The following CACNB3 variants were observed in gnomAD, a reference collection of about 807,000 sequenced individuals.
CACNB3 encodes the protein calcium voltage-gated channel auxiliary subunit beta 3.
CACNB3 carries 36 observed loss-of-function variants against 63.7 expected under a neutral mutation model. The ratio of observed to expected loss-of-function variants is 0.57; its 90% CI spans 0.43 to 0.75. CACNB3 has a LOEUF of 0.75. CACNB3 is among the 30% of genes least tolerant of loss of function. The pLI is 0.00. For missense variants in CACNB3, 493 were observed against 648.6 expected (o/e 0.76, Z 2.61); for synonymous variants, 241 against 250.6 (o/e 0.96, Z 0.36).
chr12:48,827,974 A>C lies in CACNB3; in HGVS notation c.*75A>C. 7.7e-7 allele frequency: 1 copy of C among 1,292,104 alleles called. No homozygotes were observed. Among genetic ancestry groups the C allele is most frequent in the Admixed American group, 2.0e-5 (1 of 50,532 alleles). The allele number at this position is 1,292,104 out of a possible 1,614,324, so 80.0% of individuals were successfully genotyped here. ...GGCCCACTCCAGGCAGGGTGGCGTT[A>C]GACTGGCATCAGGCTGGCACTAGGC... On this transcript the variant is annotated 3_prime_UTR_variant, in exon 13 of 13. Coordinates refer to ENST00000301050, the MANE Select transcript of CACNB3 (RefSeq NM_000725.4).
At chr12:48,820,863 G>A (rs1047333272) in intron 1 of CACNB3, 1 of 152,196 alleles carries the variant, frequency 6.6e-6, no homozygotes, top group Non-Finnish European at 1.5e-5. Context: ...AGGGTGAGAG[G>A]TCAGGTAAGC....
chr12:48,820,961 A>T (rs1045102469), intron 1 of CACNB3: 7 of 152,174 alleles, frequency 4.6e-5, no homozygotes, highest in African/African-American at 1.7e-4. Flanking sequence ...GCCGAGGTAG[A>T]TCACTTGAGG....
Position 48,825,155 on chromosome 12 carries a change from T to C in CACNB3, c.493-8T>C. ...ATGGTTTCTACTGACCTCATGTCCA[T>C]TCTGCAGGCGGAACATGTTCCCCCA... On this transcript the variant is annotated splice_polypyrimidine_tract_variant and splice_region_variant and intron_variant, in intron 6 of 12. Transcript: ENST00000301050. The surrounding 1 kb of genome is among the most constrained non-coding windows in gnomAD (Gnocchi z 4.5). 1.9e-6 allele frequency: 3 copies of C among 1,613,902 alleles called. No homozygotes were observed. Among genetic ancestry groups the C allele is most frequent in the South Asian group, 1.1e-5 (1 of 91,076 alleles).
At chr12:48,816,000 G>T (rs1942280065), upstream of CACNB3, among the ~76,000 whole-genome samples, 1 of 152,140 alleles carries the variant, frequency 6.6e-6, no homozygotes, top group African/African-American at 2.4e-5. Context: ...TTACAAGAAG[G>T]GCTCTGCCAA....
Position 48,826,612 on chromosome 12 carries a change from C to T in CACNB3, c.894+94C>T. 6.6e-7 allele frequency: 1 copy of T among 1,523,582 alleles called. No homozygotes were observed. Among genetic ancestry groups the T allele is most frequent in the Non-Finnish European group, 9.1e-7 (1 of 1,102,034 alleles). The allele number at this position is 1,523,582 out of a possible 1,614,324, so 94.4% of individuals were successfully genotyped here. ...GGTCCCTGCCTGGGGCACCTGAGTT[C>T]CCTTTTCCTGCTGCCCTTAACACAA... On this transcript the variant is annotated intron_variant, in intron 10 of 12. Coordinates refer to ENST00000301050, the MANE Select transcript of CACNB3 (RefSeq NM_000725.4). This position sits in a 1 kb window ranked among gnomAD's most constrained non-coding sequence, Gnocchi z 4.8.
chr12:48,815,635 C>T, upstream of CACNB3: 2 of 1,534,718 alleles, frequency 1.3e-6, no homozygotes, highest in Admixed American at 3.9e-5. Context: ...GGTTTTGCTC[C>T]CGCCTCGGAG....
Position 48,828,400 on chromosome 12 carries a change from A to G in CACNB3, c.*501A>G, listed in dbSNP as rs1394748697. ...CTCACTGCCATACATTAGAAATGAGACAATCAAAGCCCCCCCAGGGTGGCA... is the reference window on the plus strand; with the variant it reads ...CTCACTGCCATACATTAGAAATGAGGCAATCAAAGCCCCCCCAGGGTGGCA... On this transcript the variant is annotated 3_prime_UTR_variant, in exon 13 of 13. Transcript: ENST00000301050. 1 of 329,556 alleles carries G rather than the reference A, an allele frequency of 3.0e-6. No homozygotes were observed. Among genetic ancestry groups the G allele is most frequent in the African/African-American group, 2.2e-5 (1 of 46,438 alleles). The allele number at this position is 329,556 out of a possible 1,614,324, so 20.4% of individuals were successfully genotyped here.
rs529983652 is a variant in CACNB3, at chr12:48,824,710, G to T, written c.449G>T (p.Arg150Leu). Reference sequence around the variant, plus strand: ...TCCAGCCTGAGTGACATTGGCAACCGACGCTCCCCTCCGCCATCTCTAGGT... The same window carrying T: ...TCCAGCCTGAGTGACATTGGCAACCTACGCTCCCCTCCGCCATCTCTAGGT... ...NPSSLSDIGN[R>L]RSPPPSLAKQ... Residue 150 changes from arginine (R) to leucine (L), a missense_variant, in exon 5 of 13, where the codon CGA becomes CTA. Arg to Leu is a moderately radical substitution (Grantham distance 102). Transcript: ENST00000301050. 1.2e-6 allele frequency: 2 copies of T among 1,613,482 alleles called. No individual in the cohort carries two copies. Among genetic ancestry groups the T allele is most frequent in the Non-Finnish European group, 1.7e-6 (2 of 1,179,960 alleles).
Position 48,826,185 on chromosome 12 carries a change from C to T in CACNB3, c.743-182C>T. 1.6e-6 allele frequency: 1 copy of T among 616,662 alleles called. No homozygotes were observed. Among genetic ancestry groups the T allele is most frequent in the Non-Finnish European group, 2.9e-6 (1 of 350,476 alleles). 38.2% of individuals were successfully genotyped at this position (616,662 alleles called of 1,614,324 possible). On this transcript the variant is annotated intron_variant, in intron 9 of 12. Transcript: ENST00000301050. The surrounding 1 kb of genome is among the most constrained non-coding windows in gnomAD (Gnocchi z 4.8). The stretch of plus-strand genomic sequence containing the variant: ...TCTTTCTGCCCAACTCCTCTACCTG[C>T]CCCCAGGATTGGCAAGAACACACCC...
chr12:48,819,872 G>C, intron 1 of CACNB3: 1 of 327,832 alleles, frequency 3.1e-6, no homozygotes, highest in Non-Finnish European at 6.2e-6. Context: ...GAGAGTGCCT[G>C]GAAAGATGGG....
chr12:48,825,429 C>T lies in CACNB3; in HGVS notation c.574-5C>T, dbSNP rs377238246. On this transcript the variant is annotated splice_polypyrimidine_tract_variant and splice_region_variant and intron_variant, in intron 7 of 12. Transcript: ENST00000301050. This position sits in a 1 kb window ranked among gnomAD's most constrained non-coding sequence, Gnocchi z 4.5. Reference sequence around the variant, plus strand: ...GCCCTTCATCAGTGCCATGCCTTCCCCCAGGTCACAGACATGATGCAGAAG... The same window carrying T: ...GCCCTTCATCAGTGCCATGCCTTCCTCCAGGTCACAGACATGATGCAGAAG... The T allele has an allele frequency of 1.5e-4, 245 of 1,614,152 alleles. 2 individuals carry two copies. In the African/African-American group the frequency reaches 3.1e-3, roughly 20 times the overall value.
chr12:48,821,922 C>A (rs1937870030), intron 1 of CACNB3, among the ~76,000 whole-genome samples: 1 of 152,094 alleles, frequency 6.6e-6, no homozygotes, highest in African/African-American at 2.4e-5. Flanking sequence ...GCCTAAGGCT[C>A]GAGAGCCTGG....
chr12:48,816,347 A>G (rs1282960809), upstream of CACNB3, among the ~76,000 whole-genome samples: 1 of 152,204 alleles, frequency 6.6e-6, no homozygotes, highest in Non-Finnish European at 1.5e-5. Flanking sequence ...ACTCTCTCCT[A>G]GAAAGAATCA....
In CACNB3 at chr12:48,826,440, C is replaced by T; in HGVS notation, c.816C>T (p.Asp272=). 1 of 1,614,186 alleles carries T rather than the reference C, an allele frequency of 6.2e-7. No homozygotes were observed. Among genetic ancestry groups the T allele is most frequent in the Non-Finnish European group, 8.5e-7 (1 of 1,180,012 alleles). ...KSLQLVVLDA[D]TINHPAQLAK... ...TGCAGCTAGTAGTGTTGGACGCTGACACCATCAACCACCCAGCACAGCTGG... is the reference window on the plus strand; with the variant it reads ...TGCAGCTAGTAGTGTTGGACGCTGATACCATCAACCACCCAGCACAGCTGG... The change falls in exon 10 of 13, where the codon GAC becomes GAT. Residue 272 remains aspartate, a synonymous_variant. Coordinates refer to ENST00000301050, the MANE Select transcript of CACNB3 (RefSeq NM_000725.4). This position sits in a 1 kb window ranked among gnomAD's most constrained non-coding sequence, Gnocchi z 4.8.
In CACNB3 at chr12:48,824,302, CG is replaced by C; in HGVS notation, c.340del (p.Asp114ThrfsTer31). On this transcript the variant is annotated frameshift_variant, in exon 4 of 13. Coordinates refer to ENST00000301050, the MANE Select transcript of CACNB3 (RefSeq NM_000725.4). LOFTEE classifies it high-confidence loss of function. The part of the protein sequence containing the change: ...WWIGRLVKEG[G>X]DIAFIPSPQR... ...GGATCGGGCGGCTAGTGAAAGAGGG[CG>C]GGGACATCGCCTTCATCCCCAGCCC... 1 of 1,613,164 alleles carries C rather than the reference CG, an allele frequency of 6.2e-7. No individual in the cohort carries two copies. Among genetic ancestry groups the C allele is most frequent in the Non-Finnish European group, 8.5e-7 (1 of 1,179,754 alleles).
In CACNB3 at chr12:48,823,890, G is replaced by A; in HGVS notation, c.291+87G>A. On this transcript the variant is annotated intron_variant, in intron 3 of 12. Transcript: ENST00000301050. The surrounding 1 kb of genome is among the most constrained non-coding windows in gnomAD (Gnocchi z 4.2). Reference sequence around the variant, plus strand: ...CTAATGCTTCTGACTTGAATCCTCAGTCTAATTCCCCAAGCTAATCAGCTC... The same window carrying A: ...CTAATGCTTCTGACTTGAATCCTCAATCTAATTCCCCAAGCTAATCAGCTC... 6.5e-7 allele frequency: 1 copy of A among 1,549,480 alleles called. No individual in the cohort carries two copies. The highest frequency in any genetic ancestry group is 8.8e-7 in the Non-Finnish European group (1 of 1,132,950).
Position 48,826,290 on chromosome 12 carries a change from T to G in CACNB3, c.743-77T>G. On this transcript the variant is annotated intron_variant, in intron 9 of 12. Coordinates refer to ENST00000301050, the MANE Select transcript of CACNB3 (RefSeq NM_000725.4). The surrounding 1 kb of genome is among the most constrained non-coding windows in gnomAD (Gnocchi z 4.8). Reference sequence around the variant, plus strand: ...CCTCCAATTCCTTCCTGTCCACCATTCGGGAGCCCTCAAAGCCTGCTGGAG... The same window carrying G: ...CCTCCAATTCCTTCCTGTCCACCATGCGGGAGCCCTCAAAGCCTGCTGGAG... 6.8e-7 allele frequency: 1 copy of G among 1,464,490 alleles called. No homozygotes were observed. The highest frequency in any genetic ancestry group is 1.2e-5 in the South Asian group (1 of 86,572). 90.7% of individuals were successfully genotyped at this position (1,464,490 alleles called of 1,614,324 possible).
At chr12:48,815,609 T>C (rs1942265555), upstream of CACNB3, 16 of 1,515,862 alleles carry the variant, frequency 1.1e-5, no homozygotes, top group South Asian at 1.8e-4. Context: ...GGGAGCAGCG[T>C]GCAGAGCAGC....
intron 1 of CACNB3, among the ~76,000 whole-genome samples, chr12:48,822,275 A>T (rs930829988): frequency 1.3e-5 from 2 of 152,074 alleles, no homozygotes; most frequent in East Asian, 1.9e-4. Context: ...TCCCTGACAG[A>T]GGAGGAAACC....
Sources: gnomAD v4.1 joint callset for allele counts (sites outside exome capture counted in the v4.1 genomes callset) on GRCh38, gnomAD v4.1.1 for gene constraint, Gnocchi (gnomAD v3.1) non-coding constraint, MANE v1.5 for transcripts, NCBI Gene and HGNC (gene_info 2026-07-23, HGNC 2026-07-21) for gene names.